VPS51: variants seen among roughly 807,000 people sequenced by gnomAD.
VPS51 encodes VPS51 subunit of GARP complex.
Under a neutral mutation model 65.1 loss-of-function variants are expected in VPS51, and 55 were observed. That is an observed-to-expected ratio of 0.84 (90% CI 0.68 to 1.06). VPS51 has a LOEUF of 1.06. VPS51 is among the 50% of genes least tolerant of loss of function. The pLI, the probability that VPS51 is intolerant of heterozygous loss-of-function variation, is 0.00. For missense variants in VPS51, 943 were observed against 1,101.6 expected (o/e 0.86, Z 2.04); for synonymous variants, 473 against 489.5 (o/e 0.97, Z 0.44).
intron 2 of VPS51, 126 bp downstream of exon 2, chr11:65,097,253 A>T: frequency 7.3e-7 from 1 of 1,374,206 alleles, no homozygotes; most frequent in Non-Finnish European, 1.0e-6. Context: ...ACATTATTCC[A>T]TTCTCACCTC....
chr11:65,096,804 C>T, intron 1 of VPS51, 194 bp from the exon 2 acceptor site: 1 of 823,312 alleles, frequency 1.2e-6, no homozygotes, highest in Non-Finnish European at 1.8e-6. Context: ...TGACAAACAC[C>T]AAACACGGTT....
chr11:65,109,851 C>T lies in VPS51; in HGVS notation c.1806C>T (p.Ser602=). 1 of 1,611,942 alleles carries T rather than the reference C, an allele frequency of 6.2e-7. No individual in the cohort carries two copies. ...RKSVETRDWL[S]TLEPRNVRAV... Reference sequence around the variant, plus strand: ...GCGTGGAGACTCGCGACTGGCTCAGCACTCTGGAGCCCCGGAATGTGCGGG... The same window carrying T: ...GCGTGGAGACTCGCGACTGGCTCAGTACTCTGGAGCCCCGGAATGTGCGGG... Residue 602 remains serine (S), a synonymous_variant, in exon 7 of 10, where the codon AGC becomes AGT. Coordinates refer to ENST00000279281, the MANE Select transcript of VPS51 (RefSeq NM_013265.4).
intron 2 of VPS51, among the ~76,000 whole-genome samples, chr11:65,104,897 G>A (rs146858807): frequency 0.011 from 1,647 of 152,264 alleles, 23 homozygotes; most frequent in Non-Finnish European, 0.015. Context: ...AGGGGAGTAG[G>A]ACCTTTCTTT....
chr11:65,111,692 A>G lies in VPS51; in HGVS notation c.*105A>G. Reference sequence around the variant, plus strand: ...GCAGGTGTCAGGACCGGCCTAATAAACATGTGTGGCCTCCTCCTCTCGCTT... The same window carrying G: ...GCAGGTGTCAGGACCGGCCTAATAAGCATGTGTGGCCTCCTCCTCTCGCTT... On this transcript the variant is annotated 3_prime_UTR_variant, in exon 10 of 10. Coordinates refer to ENST00000279281, the MANE Select transcript of VPS51 (RefSeq NM_013265.4). The G allele has an allele frequency of 7.0e-7, 1 of 1,419,992 alleles. No individual in the cohort carries two copies. The highest frequency in any genetic ancestry group is 9.3e-7 in the Non-Finnish European group (1 of 1,078,578). 88.0% of individuals were successfully genotyped at this position (1,419,992 alleles called of 1,614,324 possible). A position where few individuals can be genotyped will look rare whatever the true frequency, so the allele number is the denominator to read the frequency against.
In VPS51 at chr11:65,107,296, G is replaced by C; in HGVS notation, c.359-285G>C. ...AGTGGTGGCAGCTGGCTAAGCACCTGCGGCCTGCTTCGGATCTGGACTAAT... is the reference window on the plus strand; with the variant it reads ...AGTGGTGGCAGCTGGCTAAGCACCTCCGGCCTGCTTCGGATCTGGACTAAT... On this transcript the variant is annotated intron_variant, in intron 2 of 9. Transcript: ENST00000279281. This position sits in a 1 kb window ranked among gnomAD's most constrained non-coding sequence, Gnocchi z 4.0. 1 of 577,132 alleles carries C rather than the reference G, an allele frequency of 1.7e-6. No homozygotes were observed. 35.8% of individuals were successfully genotyped at this position (577,132 alleles called of 1,614,324 possible).
intron 2 of VPS51, among the ~76,000 whole-genome samples, chr11:65,100,532 T>C (rs985317003): frequency 7.2e-6 from 1 of 138,524 alleles, no homozygotes; most frequent in African/African-American, 2.7e-5. Flanking sequence ...AGTGTTTTTT[T>C]TTTTTTTTTT....
In VPS51 at chr11:65,108,742, A is replaced by T. The variant is rs751485214; in HGVS notation, c.1271A>T (p.Asp424Val). The change falls in exon 5 of 10, where the codon GAC becomes GTC. Residue 424 changes from aspartate (D) to valine (V), a missense_variant. Asp to Val is a radical substitution (Grantham distance 152). Coordinates refer to ENST00000279281, the MANE Select transcript of VPS51 (RefSeq NM_013265.4). ...LRAAFLGCLT[D>V]VRQALAAPRV... ...GCGGCCTTCCTGGGCTGCCTGACAG[A>T]CGTCCGCCAGGCGCTGGCAGCACCT... 9 of 1,611,248 alleles carry T rather than the reference A, an allele frequency of 5.6e-6. No individual in the cohort carries two copies. Among genetic ancestry groups the T allele is most frequent in the Non-Finnish European group, 6.8e-6 (8 of 1,179,694 alleles).
intron 2 of VPS51, among the ~76,000 whole-genome samples, chr11:65,103,159 A>G (rs1478685324): frequency 1.3e-5 from 2 of 152,180 alleles, no homozygotes; most frequent in African/African-American, 4.8e-5. Context: ...TCCCCAGTTA[A>G]GGTGATTCTC....
intron 2 of VPS51, 132 bp downstream of exon 2, chr11:65,097,259 A>C: frequency 1.7e-4 from 224 of 1,344,324 alleles, no homozygotes; most frequent in Non-Finnish European, 2.1e-4. Flanking sequence ...TTCCATTCTC[A>C]CCTCCTTTCC....
rs906211742 is a variant in VPS51, at chr11:65,107,060, G to A, written c.359-521G>A. 2.1e-5 allele frequency: 9 copies of A among 418,924 alleles called. No homozygotes were observed. Among genetic ancestry groups the A allele is most frequent in the Non-Finnish European group, 3.4e-5 (7 of 207,554 alleles). 26.0% of individuals were successfully genotyped at this position (418,924 alleles called of 1,614,324 possible). A position where few individuals can be genotyped will look rare whatever the true frequency, so the allele number is the denominator to read the frequency against. On this transcript the variant is annotated intron_variant, in intron 2 of 9. Transcript: ENST00000279281. The surrounding 1 kb of genome is among the most constrained non-coding windows in gnomAD (Gnocchi z 4.0). ...AAGGAAAAACAGCCTCCCTAGGCAG[G>A]ATTCTATCAGGACCAAAGGGAAAGG...
rs1178554856 is a variant in VPS51, at chr11:65,107,878, G to T, written c.581G>T (p.Gly194Val). 1.9e-6 allele frequency: 3 copies of T among 1,551,282 alleles called. No homozygotes were observed. The highest frequency in any genetic ancestry group is 2.4e-5 in the South Asian group (2 of 84,564). ...PSRLTKCVELGAYGQAVRYQG... is the reference protein window; with the variant it reads ...PSRLTKCVELVAYGQAVRYQG... ...CGCCTCACCAAGTGCGTGGAACTGG[G>T]CGCCTATGGGCAGGCGGTGCGCTAC... The change falls in exon 4 of 10, where the codon GGC (glycine) becomes GTC (valine). Residue 194 changes from glycine to valine, a missense_variant. Gly to Val is a moderately radical substitution (Grantham distance 109). This residue lies in a region of VPS51 where 855 missense variants were observed against 953.7 expected (regional missense o/e 0.90). Transcript: ENST00000279281. The surrounding 1 kb of genome is among the most constrained non-coding windows in gnomAD (Gnocchi z 4.0).
chr11:65,111,428 G>A lies in VPS51; in HGVS notation c.2190G>A (p.Val730=), dbSNP rs1947901021. ...GCTTCGGGCTGCAGCAGGTGCAAGT[G>A]GACTGCCACTTTCTGCAGCTCTACC... ...FGRFGLQQVQ[V]DCHFLQLYLW... Residue 730 remains valine, a synonymous_variant, in exon 10 of 10, where the codon GTG becomes GTA. Transcript: ENST00000279281. 1 of 1,613,786 alleles carries A rather than the reference G, an allele frequency of 6.2e-7. No individual in the cohort carries two copies. The highest frequency in any genetic ancestry group is 1.1e-5 in the South Asian group (1 of 91,092).
Position 65,110,832 on chromosome 11 carries a change from C to A in VPS51, c.2088+51C>A, listed in dbSNP as rs764659541. 10 of 1,608,652 alleles carry A rather than the reference C, an allele frequency of 6.2e-6. No individual in the cohort carries two copies. In the East Asian group the frequency reaches 2.2e-4, roughly 36 times the overall value. On this transcript the variant is annotated intron_variant, in intron 9 of 9. Transcript: ENST00000279281. ...TTCCAGGGATCCCGGGGAGGGTTGG[C>A]TGGAGCAGCCCCACACCTGCCCAAG...
chr11:65,096,746 T>G, intron 1 of VPS51: 1 of 661,040 alleles, frequency 1.5e-6, no homozygotes, highest in Non-Finnish European at 2.5e-6. Context: ...GCCCAAGCGT[T>G]GACAGGCGCG....
In VPS51 at chr11:65,109,854, T is replaced by C; in HGVS notation, c.1809T>C (p.Thr603=). The C allele has an allele frequency of 6.2e-7, 1 of 1,611,964 alleles. No homozygotes were observed. ...KSVETRDWLS[T]LEPRNVRAVM... The stretch of plus-strand genomic sequence containing the variant: ...TGGAGACTCGCGACTGGCTCAGCAC[T>C]CTGGAGCCCCGGAATGTGCGGGCCG... Residue 603 remains threonine, a synonymous_variant, in exon 7 of 10, where the codon ACT becomes ACC. Transcript: ENST00000279281.
At chr11:65,100,959 A>G (rs1947804397) in intron 2 of VPS51, among the ~76,000 whole-genome samples, 1 of 152,240 alleles carries the variant, frequency 6.6e-6, no homozygotes, top group Non-Finnish European at 1.5e-5. Context: ...ATAAAAATAG[A>G]TATAACATAC....
rs1225753795 is a variant in VPS51, at chr11:65,109,506, A to G, written c.1659+11A>G. On this transcript the variant is annotated intron_variant, in intron 6 of 9. Coordinates refer to ENST00000279281, the MANE Select transcript of VPS51 (RefSeq NM_013265.4). ...CAGTTTCTGGTGCAGGTGAAGCACT[A>G]GCTCCTAGCCGGGCAGGGAATGGTG... 1 of 1,603,952 alleles carries G rather than the reference A, an allele frequency of 6.2e-7. No homozygotes were observed. Among genetic ancestry groups the G allele is most frequent in the Non-Finnish European group, 8.5e-7 (1 of 1,179,690 alleles).
At chr11:65,110,363 G>A (rs1947884880) in intron 7 of VPS51, 119 bp from the exon 8 acceptor site, 1 of 1,544,852 alleles carries the variant, frequency 6.5e-7, no homozygotes. Context: ...CGGGCCCCGC[G>A]GTGATTACCC....
At chr11:65,110,407 G>C in intron 7 of VPS51, 75 bp from the exon 8 acceptor site, 1 of 1,608,176 alleles carries the variant, frequency 6.2e-7, no homozygotes, top group Non-Finnish European at 8.5e-7. Context: ...AGCTGACTTA[G>C]GGCATCCTCA....
Sources: gnomAD v4.1 joint callset for allele counts (sites outside exome capture counted in the v4.1 genomes callset) on GRCh38, gnomAD v4.1.1 for gene constraint, gnomAD v4.1.1 regional missense constraint, Gnocchi (gnomAD v3.1) non-coding constraint, MANE v1.5 for transcripts, NCBI Gene and HGNC (gene_info 2026-07-23, HGNC 2026-07-21) for gene names.